The following GRIN2A variants were observed in gnomAD, a reference collection of about 807,000 sequenced individuals.
The protein encoded by GRIN2A is glutamate receptor ionotropic, NMDA 2A.
GRIN2A carries 22 observed loss-of-function variants against 113.4 expected under a neutral mutation model. That is an observed-to-expected ratio of 0.19 (90% confidence interval 0.14 to 0.28). GRIN2A has a LOEUF of 0.28. GRIN2A is among the 10% of genes least tolerant of loss of function. The probability of loss-of-function intolerance (pLI) is 1.00; values close to 1 mark genes in which losing one functional copy is unlikely to be tolerated. For missense variants in GRIN2A, 1,502 were observed against 1,887.0 expected (o/e 0.80, Z 3.78); for synonymous variants, 827 against 738.4 (o/e 1.12, Z -1.94).
intron 10 of GRIN2A, among the ~76,000 whole-genome samples, chr16:9,818,164 G>T (rs1947465084): frequency 6.6e-6 from 1 of 151,952 alleles, no homozygotes; most frequent in African/African-American, 2.4e-5. Context: ...TGTGAGTGTG[G>T]TGACGTGGAC....
At chr16:9,865,978 C>T (rs992629736) in intron 4 of GRIN2A, among the ~76,000 whole-genome samples, 1 of 152,192 alleles carries the variant, frequency 6.6e-6, no homozygotes, top group African/African-American at 2.4e-5. Flanking sequence ...CAACGCTTGC[C>T]TTTGCACTAA....
intron 2 of GRIN2A, among the ~76,000 whole-genome samples, chr16:10,096,847 CCAT>C (rs2048303654): frequency 6.6e-6 from 1 of 152,156 alleles, no homozygotes; most frequent in South Asian, 2.1e-4. Flanking sequence ...CCTGTCCTCT[CCAT>C]CACTCTCAAG....
At chr16:9,856,886 C>T (rs570716231) in intron 4 of GRIN2A, among the ~76,000 whole-genome samples, 3 of 142,078 alleles carry the variant, frequency 2.1e-5, no homozygotes, top group East Asian at 4.1e-4. Context: ...TTCTGCTGAA[C>T]AAAAAAAAAA....
intron 2 of GRIN2A, among the ~76,000 whole-genome samples, chr16:9,959,900 G>A (rs1341518941): frequency 6.6e-6 from 1 of 152,188 alleles, no homozygotes; most frequent in African/African-American, 2.4e-5. Flanking sequence ...TTGAACCCGG[G>A]AGGCAGAGGT....
chr16:10,078,467 G>A (rs568884565), intron 2 of GRIN2A, among the ~76,000 whole-genome samples: 26 of 85,624 alleles, frequency 3.0e-4, no homozygotes, highest in African/African-American at 1.0e-3. Context: ...GCAAGACAAG[G>A]GGGGAAAAGC....
chr16:9,790,535 A>G (rs1437208634), intron 11 of GRIN2A, among the ~76,000 whole-genome samples: 1 of 152,234 alleles, frequency 6.6e-6, no homozygotes, highest in Non-Finnish European at 1.5e-5. Flanking sequence ...TGCATATTGC[A>G]TATATTGCAT....
intron 2 of GRIN2A, among the ~76,000 whole-genome samples, chr16:10,010,264 G>A (rs970626976): frequency 6.6e-6 from 1 of 152,170 alleles, no homozygotes; most frequent in African/African-American, 2.4e-5. Context: ...ACTAATACAA[G>A]AAGAATCCTC....
At chr16:9,829,177 C>A (rs969856209) in intron 9 of GRIN2A, among the ~76,000 whole-genome samples, 1 of 152,202 alleles carries the variant, frequency 6.6e-6, no homozygotes, top group Non-Finnish European at 1.5e-5. Flanking sequence ...ATAGGAAACA[C>A]GACCACTCGG....
chr16:10,058,408 T>C (rs2142001677), intron 2 of GRIN2A, among the ~76,000 whole-genome samples: 1 of 152,364 alleles, frequency 6.6e-6, no homozygotes, highest in South Asian at 2.1e-4. Flanking sequence ...TTTATGTCGG[T>C]ATTAACATGC....
At position 9,804,548 on chromosome 16, in the gene GRIN2A, G is replaced by C. The variant is rs2041928137; in HGVS notation, c.2169-6084C>G. On this transcript the variant is annotated intron_variant, in intron 10 of 12. Coordinates refer to ENST00000330684, the MANE Select transcript of GRIN2A (RefSeq NM_001134407.3). ...GGGCAGGAGGACGTTCAGAGGTCAG[G>C]TCTGAGAACTGTGGGATGTTGCCTG... Among the ~76,000 whole-genome samples, 4 of 152,042 alleles carry C rather than the reference G, an allele frequency of 2.6e-5. No homozygotes were observed. In the South Asian group the frequency reaches 8.3e-4, roughly 32 times the overall value.
At chr16:9,866,498 G>A (rs1350840897) in intron 4 of GRIN2A, among the ~76,000 whole-genome samples, 2 of 152,106 alleles carry the variant, frequency 1.3e-5, no homozygotes, top group African/African-American at 4.8e-5. Flanking sequence ...CAAGACTGAA[G>A]AAGCCCTTGG....
In GRIN2A at chr16:9,840,629, A is replaced by G. The variant is rs367980421; in HGVS notation, c.1651+18T>C. The G allele has an allele frequency of 6.2e-6, 10 of 1,608,696 alleles. No individual in the cohort carries two copies. Among genetic ancestry groups the G allele is most frequent in the Admixed American group, 5.0e-5 (3 of 59,982 alleles). On this transcript the variant is annotated intron_variant, in intron 7 of 12. Coordinates refer to ENST00000330684, the MANE Select transcript of GRIN2A (RefSeq NM_001134407.3). ...AATTCCTTATAGGAAAGCAATAGTCACTATGAAATTCACACACCTAGAAAA... is the reference window on the plus strand; with the variant it reads ...AATTCCTTATAGGAAAGCAATAGTCGCTATGAAATTCACACACCTAGAAAA...
rs1004167433 is a variant in GRIN2A at position 9,867,889 on chromosome 16, G to T, written c.1123-17928C>A. 4.6e-5 allele frequency among the ~76,000 whole-genome samples: 7 copies of T among 151,928 alleles called. No homozygotes were observed. The East Asian group carries it at 1.4e-3, about 29-fold the overall frequency. ...CACCTCTCTTGACAGCCCCTGATCT[G>T]CTGCCTTTCCCCCATTCTTCTCTAC... On this transcript the variant is annotated intron_variant, in intron 4 of 12. Coordinates refer to ENST00000330684, the MANE Select transcript of GRIN2A (RefSeq NM_001134407.3).
At chr16:10,057,857 C>T (rs1478275458) in intron 2 of GRIN2A, among the ~76,000 whole-genome samples, 2 of 152,224 alleles carry the variant, frequency 1.3e-5, no homozygotes, top group African/African-American at 4.8e-5. Flanking sequence ...GCAGACATCA[C>T]TCGTTCATTT....
intron 2 of GRIN2A, among the ~76,000 whole-genome samples, chr16:9,963,545 T>A (rs910009575): frequency 1.3e-4 from 20 of 152,216 alleles, no homozygotes; most frequent in African/African-American, 4.6e-4. Context: ...AACAATTTTT[T>A]AAAAAATGTT....
chr16:9,876,850 G>A (rs970019896), intron 4 of GRIN2A, among the ~76,000 whole-genome samples: 1 of 152,136 alleles, frequency 6.6e-6, no homozygotes, highest in African/African-American at 2.4e-5. Context: ...GGGTGCATGG[G>A]TGGATAAATG....
chr16:10,014,383 G>A (rs1414083980), intron 2 of GRIN2A, among the ~76,000 whole-genome samples: 1 of 152,118 alleles, frequency 6.6e-6, no homozygotes, highest in Non-Finnish European at 1.5e-5. Context: ...TGATTTCATT[G>A]GCCACTATAT....
chr16:10,036,858 G>A (rs2047045060), intron 2 of GRIN2A: 1 of 151,996 alleles, frequency 6.6e-6, no homozygotes, highest in Non-Finnish European at 1.5e-5. Flanking sequence ...TATCAGATTA[G>A]GGCTCACACT....
intron 2 of GRIN2A, among the ~76,000 whole-genome samples, chr16:9,939,349 G>C (rs565888820): frequency 1.3e-5 from 2 of 152,142 alleles, no homozygotes; most frequent in African/African-American, 4.8e-5. Context: ...TCATGGCACC[G>C]AAAGGAGGCG....
Sources: gnomAD v4.1 joint callset for allele counts (sites outside exome capture counted in the v4.1 genomes callset) on GRCh38, gnomAD v4.1.1 for gene constraint, MANE v1.5 for transcripts, NCBI Gene and HGNC (gene_info 2026-07-23, HGNC 2026-07-21) for gene names.